ACOT1: variants seen among roughly 807,000 people sequenced by gnomAD.
The protein encoded by ACOT1 is acyl-CoA thioesterase 1.
In ACOT1, 8 loss-of-function variants were observed where a neutral mutation model predicts 15.7. That is an observed-to-expected ratio of 0.51 (90% CI 0.30 to 0.92). ACOT1 has a LOEUF of 0.92. Among genes scored for constraint, ACOT1 ranks in the 40% least tolerant of loss-of-function variants. ACOT1 has a pLI of 0.06. For missense variants in ACOT1, 151 were observed against 539.4 expected, an observed-to-expected ratio of 0.28 and a Z score of 7.13; for synonymous variants, 67 against 241.2, an observed-to-expected ratio of 0.28 and a Z score of 6.69.
At chr14:73,538,022 G>T (rs1230086726) in intron 1 of ACOT1, 144 bp downstream of exon 1, 3 of 729,566 alleles carry the variant, frequency 4.1e-6, no homozygotes, top group Non-Finnish European at 5.5e-6. Flanking sequence ...CCACCACCCC[G>T]GGCTATGTTG....
chr14:73,500,775 G>A, the ACOT1 span: 6 of 1,579,042 alleles, frequency 3.8e-6, no homozygotes, highest in East Asian at 9.0e-5. Context: ...TAAACTTTCA[G>A]TACCTAACCC....
chr14:73,514,366 C>T, the ACOT1 span: 1 of 738,094 alleles, frequency 1.4e-6, no homozygotes, highest in Non-Finnish European at 2.2e-6. Flanking sequence ...GAGTGAATTT[C>T]CCCATGATTA....
At chr14:73,523,343 T>G in the ACOT1 span, 1 of 573,340 alleles carries the variant, frequency 1.7e-6, no homozygotes, top group Non-Finnish European at 3.0e-6. Context: ...GGAAGAGCCA[T>G]GTGAGTTAGA....
At chr14:73,512,059 C>T in the ACOT1 span, 1 of 1,613,992 alleles carries the variant, frequency 6.2e-7, no homozygotes, top group Non-Finnish European at 8.5e-7. Context: ...AGCTGTGGCA[C>T]ATGTGGTGAT....
chr14:73,492,119 G>C, the ACOT1 span: 3 of 1,613,936 alleles, frequency 1.9e-6, no homozygotes, highest in Non-Finnish European at 2.5e-6. This position sits in a 1 kb window ranked among gnomAD's most constrained non-coding sequence, Gnocchi z 4.9. Context: ...CCCAACCGAG[G>C]AACTGGCTCT....
chr14:73,506,808 T>TTTTTTTG, the ACOT1 span, among the ~76,000 whole-genome samples: 1 of 111,380 alleles, frequency 9.0e-6, no homozygotes, highest in Non-Finnish European at 1.7e-5. Context: ...TTAACTGTTT[T>TTTTTTTG]TTTTTTTTTT....
the ACOT1 span, among the ~76,000 whole-genome samples, chr14:73,504,160 C>T: frequency 1.3e-5 from 2 of 151,288 alleles, no homozygotes; most frequent in South Asian, 2.1e-4. Context: ...TCACTGCAAC[C>T]TCCGCCTCCT....
the ACOT1 span, among the ~76,000 whole-genome samples, chr14:73,510,701 G>T: frequency 6.6e-6 from 1 of 152,174 alleles, no homozygotes; most frequent in Non-Finnish European, 1.5e-5. Flanking sequence ...CTTCCAAAGT[G>T]CTGGAATTAC....
At chr14:73,492,386 G>C in the ACOT1 span, 1 of 1,613,920 alleles carries the variant, frequency 6.2e-7, no homozygotes, top group Non-Finnish European at 8.5e-7. The surrounding 1 kb of genome is among the most constrained non-coding windows in gnomAD (Gnocchi z 4.9). Context: ...TCTGCCCCGA[G>C]ACTTCATGGA....
chr14:73,526,707 C>G, the ACOT1 span, among the ~76,000 whole-genome samples: 5 of 152,256 alleles, frequency 3.3e-5, no homozygotes, highest in Non-Finnish European at 7.3e-5. Flanking sequence ...GAATCCACTG[C>G]TCTGATGGGT....
At chr14:73,510,823 T>A in the ACOT1 span, among the ~76,000 whole-genome samples, 1 of 152,190 alleles carries the variant, frequency 6.6e-6, no homozygotes, top group African/African-American at 2.4e-5. Context: ...TGGGTGAATT[T>A]ATGCTTTACA....
the ACOT1 span, chr14:73,519,088 T>G: frequency 6.2e-7 from 1 of 1,614,030 alleles, no homozygotes; most frequent in African/African-American, 1.3e-5. Flanking sequence ...AGATAGCTGC[T>G]TGTTGTACCG....
the ACOT1 span, among the ~76,000 whole-genome samples, chr14:73,517,675 AAAAAAAG>A: frequency 1.3e-5 from 2 of 150,120 alleles, no homozygotes; most frequent in Non-Finnish European, 3.0e-5. Flanking sequence ...CAAAAAAAAA[AAAAAAAG>A]AAGAAGAAAA....
At chr14:73,514,291 C>T in the ACOT1 span, 49 of 1,483,858 alleles carry the variant, frequency 3.3e-5, no homozygotes, top group Non-Finnish European at 4.0e-5. Context: ...CCCTGCCACA[C>T]AGTGGCCCCA....
chr14:73,534,173 G>A (rs1211949358), upstream of ACOT1, among the ~76,000 whole-genome samples: 4 of 113,000 alleles, frequency 3.5e-5, 2 homozygotes, highest in Non-Finnish European at 7.7e-5. Context: ...AAGGTCAGGA[G>A]TTTGAGACCA....
chr14:73,492,595 T>G, the ACOT1 span: 2 of 1,613,954 alleles, frequency 1.2e-6, 1 homozygote, highest in Admixed American at 3.3e-5. This position sits in a 1 kb window ranked among gnomAD's most constrained non-coding sequence, Gnocchi z 4.9. Flanking sequence ...TTTACGGGCT[T>G]CCAATTCGCT....
At chr14:73,513,430 C>T in the ACOT1 span, among the ~76,000 whole-genome samples, 211 of 148,688 alleles carry the variant, frequency 1.4e-3, no homozygotes, top group African/African-American at 4.8e-3. Context: ...CATGGCACTC[C>T]GGCCTGGGCA....
the ACOT1 span, chr14:73,521,144 CTATACACG>C: frequency 2.1e-6 from 2 of 967,440 alleles, no homozygotes; most frequent in East Asian, 2.4e-5. Context: ...AGCTCAGCTC[CTATACACG>C]TGAGCATTGC....
chr14:73,512,295 G>T, the ACOT1 span: 1 of 863,498 alleles, frequency 1.2e-6, no homozygotes, highest in Non-Finnish European at 1.7e-6. Context: ...CAGAGATGGG[G>T]TCTTTAGGGA....
Sources: gnomAD v4.1 joint callset for allele counts (sites outside exome capture counted in the v4.1 genomes callset) on GRCh38, gnomAD v4.1.1 for gene constraint, Gnocchi (gnomAD v3.1) non-coding constraint, MANE v1.5 for transcripts, NCBI Gene and HGNC (gene_info 2026-07-23, HGNC 2026-07-21) for gene names.